The following ZNRF1 variants were observed in gnomAD, a reference collection of about 807,000 sequenced individuals.
ZNRF1 encodes zinc and ring finger 1.
Under a neutral mutation model 18.4 loss-of-function variants are expected in ZNRF1, and 3 were observed. That is an observed-to-expected ratio of 0.16 (90% CI 0.07 to 0.42). ZNRF1 has a LOEUF of 0.42. Ranked by LOEUF, ZNRF1 falls within the 10% of genes least tolerant of loss-of-function variation. The pLI is 0.99. For missense variants in ZNRF1, 310 were observed against 329.8 expected, an observed-to-expected ratio of 0.94 and a Z score of 0.47; for synonymous variants, 157 against 144.2, an observed-to-expected ratio of 1.09 and a Z score of -0.64.
chr16:75,060,105 G>T (rs1475497177), intron 1 of ZNRF1, among the ~76,000 whole-genome samples: 1 of 152,014 alleles, frequency 6.6e-6, no homozygotes, highest in African/African-American at 2.4e-5. Flanking sequence ...CCAGGCTGGA[G>T]TGCAGTGACA....
chr16:75,002,575 G>T (rs559656735), intron 1 of ZNRF1, among the ~76,000 whole-genome samples: 22 of 152,174 alleles, frequency 1.4e-4, no homozygotes, highest in Non-Finnish European at 5.9e-5. Flanking sequence ...CTCAGAGAGC[G>T]TGGGCTTAGG....
Position 75,107,842 on chromosome 16 carries a change from TG to T in ZNRF1, c.*144del. 1 of 456,250 alleles carries T rather than the reference TG, an allele frequency of 2.2e-6. No homozygotes were observed. Among genetic ancestry groups the T allele is most frequent in the Non-Finnish European group, 4.4e-6 (1 of 226,638 alleles). The allele number at this position is 456,250 out of a possible 1,614,324, so 28.3% of individuals were successfully genotyped here. On this transcript the variant is annotated 3_prime_UTR_variant, in exon 5 of 5. Coordinates refer to ENST00000335325, the MANE Select transcript of ZNRF1 (RefSeq NM_032268.5). ...CCCTTCTGCACTGACTTCCAGATCA[TG>T]GTTCTCCCTTCCTCCCTGAGGACAC...
chr16:75,053,192 CTTAAAG>C (rs1056166539), intron 1 of ZNRF1, among the ~76,000 whole-genome samples: 18 of 152,152 alleles, frequency 1.2e-4, no homozygotes, highest in Non-Finnish European at 1.5e-4. Context: ...TGGCTAGAAC[CTTAAAG>C]TTAAACATCA....
rs57122648 is a variant in ZNRF1, at chr16:75,040,042, C to CTTTTTTTTTTTTTTTTTTT, written c.424+39955_424+39973dup. On this transcript the variant is annotated intron_variant, in intron 1 of 4. Coordinates refer to ENST00000335325, the MANE Select transcript of ZNRF1 (RefSeq NM_032268.5). Reference sequence around the variant, plus strand: ...AATCTTTTGTTTCTTTCTTTTCTTTCTTTTTTTTTTTTTTTTTTTTTTTTT... The same window carrying CTTTTTTTTTTTTTTTTTTT: ...AATCTTTTGTTTCTTTCTTTTCTTTCTTTTTTTTTTTTTTTTTTTTTTTTTTTTTTTTTTTTTTTTTTTT... Among the ~76,000 whole-genome samples, 38 of 78,856 alleles carry CTTTTTTTTTTTTTTTTTTT rather than the reference C, an allele frequency of 4.8e-4. 2 individuals are homozygous for CTTTTTTTTTTTTTTTTTTT. Among genetic ancestry groups the CTTTTTTTTTTTTTTTTTTT allele is most frequent in the African/African-American group, 1.8e-3 (33 of 18,134 alleles). The allele number at this position is 78,856 out of a possible 152,430, so 51.7% of individuals were successfully genotyped here.
intron 2 of ZNRF1, among the ~76,000 whole-genome samples, chr16:75,102,206 G>C (rs1349998723): frequency 6.6e-6 from 1 of 152,278 alleles, no homozygotes; most frequent in East Asian, 1.9e-4. Flanking sequence ...GGCCCCAGGT[G>C]TTTGCCTTTC....
At chr16:75,010,084 G>A (rs538547006) in intron 1 of ZNRF1, among the ~76,000 whole-genome samples, 11 of 152,242 alleles carry the variant, frequency 7.2e-5, no homozygotes, top group African/African-American at 2.6e-4. Context: ...CCGGGTTCAA[G>A]CGATTCTCCT....
chr16:75,018,023 A>G (rs2035093304), intron 1 of ZNRF1, among the ~76,000 whole-genome samples: 1 of 152,188 alleles, frequency 6.6e-6, no homozygotes, highest in Non-Finnish European at 1.5e-5. Flanking sequence ...TAATTTCTTT[A>G]CCTCTAAAGT....
Position 75,107,668 on chromosome 16 carries a change from G to T in ZNRF1, c.*33-65G>T, listed in dbSNP as rs940202226. 13 of 455,766 alleles carry T rather than the reference G, an allele frequency of 2.9e-5. No homozygotes were observed. In the East Asian group the frequency reaches 9.0e-4, roughly 32 times the overall value. The allele number at this position is 455,766 out of a possible 1,614,324, so 28.2% of individuals were successfully genotyped here. A position where few individuals can be genotyped will look rare whatever the true frequency, so the allele number is the denominator to read the frequency against. On this transcript the variant is annotated intron_variant, in intron 4 of 4. Coordinates refer to ENST00000335325, the MANE Select transcript of ZNRF1 (RefSeq NM_032268.5). ...CCGCCTGCCCTCTTGGGATGCAGCT[G>T]CCCTGGGATGAGCAGACAGCCCTCG...
Position 75,044,870 on chromosome 16 carries a change from A to G in ZNRF1, c.424+44775A>G, listed in dbSNP as rs560054959. ...AAGCAGCTTATCTGTTATTTAATAT[A>G]ATTCCCTAAGGAGAGCTTAGTATGG... is the stretch of plus-strand genomic sequence containing the variant. On this transcript the variant is annotated intron_variant, in intron 1 of 4. Transcript: ENST00000335325. Among the ~76,000 whole-genome samples the G allele has an allele frequency of 2.0e-5, 3 of 152,374 alleles. No individual in the cohort carries two copies. The South Asian group carries it at 6.2e-4, about 32-fold the overall frequency.
chr16:75,004,139 A>G (rs2145314699), intron 1 of ZNRF1, among the ~76,000 whole-genome samples: 1 of 152,148 alleles, frequency 6.6e-6, no homozygotes, highest in Admixed American at 6.6e-5. Flanking sequence ...TGGTCTCAGA[A>G]TTTGATGGGT....
At chr16:75,026,487 TA>T (rs2035225952) in intron 1 of ZNRF1, among the ~76,000 whole-genome samples, 1 of 152,146 alleles carries the variant, frequency 6.6e-6, no homozygotes, top group Non-Finnish European at 1.5e-5. Context: ...TTAGGAAAAG[TA>T]CTTGGAAAAA....
intron 2 of ZNRF1, among the ~76,000 whole-genome samples, chr16:75,097,330 G>T (rs538573053): frequency 6.6e-6 from 1 of 152,080 alleles, no homozygotes; most frequent in African/African-American, 2.4e-5. Flanking sequence ...AAGCTTAGGG[G>T]TCCTCAGCCC....
At chr16:75,010,705 T>TTTTTTTG (rs1488927698) in intron 1 of ZNRF1, among the ~76,000 whole-genome samples, 24 of 40,296 alleles carry the variant, frequency 6.0e-4, no homozygotes, top group Non-Finnish European at 1.9e-3. Flanking sequence ...TGTACTGTTT[T>TTTTTTTG]TTTTTGTTTT....
At chr16:75,069,274 C>T (rs562984759) in intron 1 of ZNRF1, among the ~76,000 whole-genome samples, 1 of 152,224 alleles carries the variant, frequency 6.6e-6, no homozygotes, top group South Asian at 2.1e-4. Flanking sequence ...TTCCTCTTAC[C>T]CTGCTGTAAA....
intron 1 of ZNRF1, among the ~76,000 whole-genome samples, chr16:75,088,634 G>A (rs1303628562): frequency 6.6e-6 from 1 of 152,294 alleles, no homozygotes; most frequent in East Asian, 1.9e-4. Flanking sequence ...GAGCAAGAGC[G>A]CAGACTTCCT....
rs146929076 is a variant in ZNRF1 at position 75,017,165 on chromosome 16, C to T, written c.424+17070C>T. On this transcript the variant is annotated intron_variant, in intron 1 of 4. Transcript: ENST00000335325. The stretch of plus-strand genomic sequence containing the variant: ...TTACAGACAACAACAGTAAAAACAA[C>T]AAAAACTGGTTAGCTATTTTTGGCA... 1.3e-3 allele frequency among the ~76,000 whole-genome samples: 202 copies of T among 152,172 alleles called. 1 individual carries two copies. The highest frequency in any genetic ancestry group is 4.7e-3 in the African/African-American group (196 of 41,522).
intron 1 of ZNRF1, among the ~76,000 whole-genome samples, chr16:75,087,888 G>C (rs2036092487): frequency 6.6e-6 from 1 of 152,214 alleles, no homozygotes; most frequent in Non-Finnish European, 1.5e-5. Flanking sequence ...CTGGGGCGCT[G>C]GCTGGCTACT....
intron 1 of ZNRF1, among the ~76,000 whole-genome samples, chr16:75,055,118 G>A (rs1432050254): frequency 2.6e-5 from 4 of 152,186 alleles, no homozygotes; most frequent in Admixed American, 6.5e-5. Flanking sequence ...AGCAGGGCCA[G>A]GCATCACCCC....
In ZNRF1 at chr16:74,999,796, G is replaced by A; in HGVS notation, c.125G>A (p.Gly42Glu). 1 of 1,418,886 alleles carries A rather than the reference G, an allele frequency of 7.0e-7. No individual in the cohort carries two copies. Among genetic ancestry groups the A allele is most frequent in the Non-Finnish European group, 9.2e-7 (1 of 1,092,866 alleles). The allele number at this position is 1,418,886 out of a possible 1,614,324, so 87.9% of individuals were successfully genotyped here. A position where few individuals can be genotyped will look rare whatever the true frequency, so the allele number is the denominator to read the frequency against. The part of the protein sequence containing the change: ...PHFGHYRTGG[G>E]AMGLRSRSVS... ...TTCGGGCACTACCGGACGGGCGGCGGGGCCATGGGGCTGCGCAGCCGCTCG... is the reference window on the plus strand; with the variant it reads ...TTCGGGCACTACCGGACGGGCGGCGAGGCCATGGGGCTGCGCAGCCGCTCG... Residue 42 changes from glycine (G) to glutamate (E), a missense_variant, in exon 1 of 5, where the codon GGG becomes GAG. This residue lies in a region of ZNRF1 where 293 missense variants were observed against 291.2 expected (regional missense o/e 1.01). Coordinates refer to ENST00000335325, the MANE Select transcript of ZNRF1 (RefSeq NM_032268.5).
Sources: gnomAD v4.1 joint callset for allele counts (sites outside exome capture counted in the v4.1 genomes callset) on GRCh38, gnomAD v4.1.1 for gene constraint, gnomAD v4.1.1 regional missense constraint, MANE v1.5 for transcripts, NCBI Gene and HGNC (gene_info 2026-07-23, HGNC 2026-07-21) for gene names.